FAM184B: variants seen among roughly 807,000 people sequenced by gnomAD.
FAM184B encodes the protein family with sequence similarity 184 member B.
Under a neutral mutation model 135.9 loss-of-function variants are expected in FAM184B, and 111 were observed. The observed-to-expected ratio is 0.82, with a 90% confidence interval of 0.70 to 0.96. FAM184B has a LOEUF of 0.96. Among genes scored for constraint, FAM184B ranks in the 40% least tolerant of loss-of-function variants. FAM184B has a pLI of 0.00. For missense variants in FAM184B, 1,375 were observed against 1,323.9 expected, an observed-to-expected ratio of 1.04 and a Z score of -0.60; for synonymous variants, 552 against 524.8, an observed-to-expected ratio of 1.05 and a Z score of -0.71.
At chr4:17,725,900 T>A (rs1397555916) in intron 1 of FAM184B, among the ~76,000 whole-genome samples, 1 of 152,122 alleles carries the variant, frequency 6.6e-6, no homozygotes, top group Non-Finnish European at 1.5e-5. Flanking sequence ...AAATCCCATA[T>A]ATGTACGGAT....
chr4:17,713,779 G>A (rs1717341461), intron 1 of FAM184B, among the ~76,000 whole-genome samples: 1 of 152,176 alleles, frequency 6.6e-6, no homozygotes, highest in African/African-American at 2.4e-5. Context: ...CGGATTCACT[G>A]CACATCTCGG....
intron 7 of FAM184B, among the ~76,000 whole-genome samples, chr4:17,683,063 C>T (rs1177637597): frequency 1.3e-5 from 2 of 152,234 alleles, no homozygotes; most frequent in Non-Finnish European, 2.9e-5. Context: ...TATGGCAGTA[C>T]TGAAGTATGC....
At chr4:17,732,191 T>C (rs1717796650) in intron 1 of FAM184B, among the ~76,000 whole-genome samples, 1 of 152,068 alleles carries the variant, frequency 6.6e-6, no homozygotes, top group Non-Finnish European at 1.5e-5. Context: ...AAGCAGTGTG[T>C]AGAAGGAAAT....
chr4:17,739,975 T>C (rs13134480), intron 1 of FAM184B, among the ~76,000 whole-genome samples: 97,015 of 151,938 alleles, frequency 0.64, 33,821 homozygotes, highest in Non-Finnish European at 0.81. Flanking sequence ...AACCTAACCC[T>C]AAGTAATAAA....
chr4:17,757,086 T>C (rs536344504), intron 1 of FAM184B, among the ~76,000 whole-genome samples: 1 of 152,346 alleles, frequency 6.6e-6, no homozygotes, highest in Non-Finnish European at 1.5e-5. Context: ...TGCTATGAAG[T>C]GTTCTTGCCA....
At chr4:17,662,927 C>T (rs867358506) in intron 8 of FAM184B, among the ~76,000 whole-genome samples, 2 of 152,076 alleles carry the variant, frequency 1.3e-5, no homozygotes, top group Admixed American at 1.3e-4. Context: ...ATATGAGCCA[C>T]TCACATATTT....
rs140399167 is a variant in FAM184B at position 17,696,550 on chromosome 4, G to A, written c.1378-3138C>T. ...GGCTGGAACCATCGAGTGTGCTCACGCCTATAATCCCAACACTTTGGGAGA... is the reference window on the plus strand; with the variant it reads ...GGCTGGAACCATCGAGTGTGCTCACACCTATAATCCCAACACTTTGGGAGA... On this transcript the variant is annotated intron_variant, in intron 5 of 17. Coordinates refer to ENST00000265018, the MANE Select transcript of FAM184B (RefSeq NM_015688.2). Among the ~76,000 whole-genome samples the A allele has an allele frequency of 1.6e-3, 245 of 152,300 alleles. 1 individual carries two copies. The highest frequency in any genetic ancestry group is 5.4e-3 in the African/African-American group (226 of 41,562).
At chr4:17,725,397 T>C (rs1333944356) in intron 1 of FAM184B, among the ~76,000 whole-genome samples, 1 of 152,204 alleles carries the variant, frequency 6.6e-6, no homozygotes, top group African/African-American at 2.4e-5. Flanking sequence ...CTTAGCCTAT[T>C]TAAGAAATGC....
intron 1 of FAM184B, among the ~76,000 whole-genome samples, chr4:17,750,598 T>C (rs1718269854): frequency 6.6e-6 from 1 of 152,064 alleles, no homozygotes; most frequent in Non-Finnish European, 1.5e-5. Context: ...TGTCAGAAGC[T>C]CCCCTAGGTT....
chr4:17,770,588 C>G (rs772648960), intron 1 of FAM184B, among the ~76,000 whole-genome samples: 8 of 152,066 alleles, frequency 5.3e-5, no homozygotes, highest in Non-Finnish European at 1.0e-4. Flanking sequence ...CTCAGTCTCC[C>G]GAGTAGCTGA....
intron 1 of FAM184B, among the ~76,000 whole-genome samples, chr4:17,727,289 C>T (rs540009960): frequency 3.3e-4 from 50 of 152,178 alleles, no homozygotes; most frequent in African/African-American, 1.1e-3. Flanking sequence ...ATGAAGGCTC[C>T]GCAGGACACC....
At chr4:17,728,054 G>T (rs553552423) in intron 1 of FAM184B, among the ~76,000 whole-genome samples, 3 of 152,190 alleles carry the variant, frequency 2.0e-5, no homozygotes, top group Non-Finnish European at 4.4e-5. Context: ...GAGGTGGGAG[G>T]ATCACTTAAA....
intron 14 of FAM184B, 121 bp downstream of exon 14, chr4:17,639,128 TG>T: frequency 9.6e-7 from 1 of 1,040,410 alleles, no homozygotes; most frequent in East Asian, 2.6e-5. Flanking sequence ...CCACCGTGCC[TG>T]GCCAGAACCC....
chr4:17,731,269 C>T (rs1339388553), intron 1 of FAM184B, among the ~76,000 whole-genome samples: 1 of 152,136 alleles, frequency 6.6e-6, no homozygotes, highest in South Asian at 2.1e-4. Context: ...ACTGCATCAA[C>T]TAACGAGCAA....
At chr4:17,719,348 G>A (rs963224064) in intron 1 of FAM184B, among the ~76,000 whole-genome samples, 2 of 152,144 alleles carry the variant, frequency 1.3e-5, no homozygotes, top group African/African-American at 2.4e-5. Context: ...AGAGGAGGAC[G>A]GCACAAGATT....
At chr4:17,747,516 C>T (rs966571380) in intron 1 of FAM184B, among the ~76,000 whole-genome samples, 3 of 152,068 alleles carry the variant, frequency 2.0e-5, no homozygotes, top group Non-Finnish European at 4.4e-5. Flanking sequence ...AAAGAGTCAG[C>T]ATCAGTGGCT....
chr4:17,705,283 A>G, intron 4 of FAM184B, 77 bp from the exon 5 acceptor site: 2 of 1,096,776 alleles, frequency 1.8e-6, no homozygotes, highest in Non-Finnish European at 2.6e-6. Context: ...CCTTTCATAC[A>G]ACTTTTACAA....
intron 7 of FAM184B, among the ~76,000 whole-genome samples, chr4:17,673,779 G>C (rs188601271): frequency 6.6e-6 from 1 of 152,174 alleles, no homozygotes; most frequent in East Asian, 1.9e-4. Flanking sequence ...GGTTGGGAAG[G>C]GGGTAAGGGA....
intron 1 of FAM184B, among the ~76,000 whole-genome samples, chr4:17,773,569 A>G (rs1171791638): frequency 2.6e-5 from 4 of 151,618 alleles, no homozygotes; most frequent in Non-Finnish European, 5.9e-5. Flanking sequence ...TCTTCAGTAT[A>G]TTTTCTTTTT....
Sources: gnomAD v4.1 joint callset for allele counts (sites outside exome capture counted in the v4.1 genomes callset) on GRCh38, gnomAD v4.1.1 for gene constraint, MANE v1.5 for transcripts, NCBI Gene and HGNC (gene_info 2026-07-23, HGNC 2026-07-21) for gene names.